The following TLCD4 variants were observed in gnomAD, a reference collection of about 807,000 sequenced individuals.
TLCD4 encodes the protein TLC domain containing 4, also known as TLC domain-containing protein 4.
A neutral mutation model predicts 24.2 loss-of-function variants in TLCD4; 7 were observed. That is an observed-to-expected ratio of 0.29 (90% CI 0.16 to 0.54). The LOEUF is 0.54. Among genes scored for constraint, TLCD4 ranks in the 20% least tolerant of loss-of-function variants. TLCD4 has a pLI of 0.95. For synonymous variants in TLCD4, 103 were observed against 106.4 expected (o/e 0.97, Z 0.20); for missense variants, 259 against 313.9 (o/e 0.82, Z 1.32).
intron 1 of TLCD4, 41 bp from the exon 2 acceptor site, chr1:95,143,850 A>T (rs1210970588): frequency 7.5e-6 from 10 of 1,327,794 alleles, no homozygotes; most frequent in Non-Finnish European, 9.7e-6. Flanking sequence ...CTCTAGGTTT[A>T]TTATGAGACA....
intron 5 of TLCD4, among the ~76,000 whole-genome samples, chr1:95,166,069 C>G (rs919511769): frequency 6.6e-6 from 1 of 152,084 alleles, no homozygotes; most frequent in African/African-American, 2.4e-5. Context: ...TTGTGAGGAT[C>G]AGAAGTAGGA....
the TLCD4 span, among the ~76,000 whole-genome samples, chr1:95,109,954 T>C: frequency 0.11 from 7,810 of 68,378 alleles, 689 homozygotes; most frequent in Middle Eastern, 0.2. Flanking sequence ...TATATATATA[T>C]ATATACACAC....
the TLCD4 span, among the ~76,000 whole-genome samples, chr1:95,105,893 T>TGAAA: frequency 1.9e-5 from 2 of 102,864 alleles, 1 homozygote; most frequent in Non-Finnish European, 4.2e-5. Context: ...AGACTCCGTC[T>TGAAA]TAAAAAAAAA....
the TLCD4 span, among the ~76,000 whole-genome samples, chr1:95,094,575 T>C: frequency 6.6e-6 from 1 of 152,114 alleles, no homozygotes. Flanking sequence ...TCTAAGTGAG[T>C]GCTGTATGCC....
chr1:95,110,060 A>T, the TLCD4 span, among the ~76,000 whole-genome samples: 1 of 149,788 alleles, frequency 6.7e-6, no homozygotes, highest in South Asian at 2.1e-4. Flanking sequence ...GGGTATACAT[A>T]TACACGTACA....
At chr1:95,100,196 TAAC>T in the TLCD4 span, among the ~76,000 whole-genome samples, 3 of 152,110 alleles carry the variant, frequency 2.0e-5, no homozygotes, top group Non-Finnish European at 4.4e-5. Flanking sequence ...ACAGATAAAA[TAAC>T]AGGCTCAGAG....
chr1:95,105,884 G>C, the TLCD4 span, among the ~76,000 whole-genome samples: 3 of 45,398 alleles, frequency 6.6e-5, no homozygotes, highest in Non-Finnish European at 2.1e-4. Context: ...GACAGAGCGA[G>C]ACTCCGTCTT....
chr1:95,133,901 A>T (rs551652989), intron 1 of TLCD4, among the ~76,000 whole-genome samples: 32 of 151,876 alleles, frequency 2.1e-4, no homozygotes, highest in African/African-American at 7.7e-4. Context: ...TGGCAATGGA[A>T]AGGGAATTTG....
intron 1 of TLCD4, among the ~76,000 whole-genome samples, 179 bp from the exon 2 acceptor site, chr1:95,143,712 A>G (rs1677270189): frequency 6.6e-6 from 1 of 152,158 alleles, no homozygotes; most frequent in Non-Finnish European, 1.5e-5. Context: ...GATACATGAC[A>G]AATAGATGGT....
chr1:95,144,800 C>T (rs1048517456), intron 2 of TLCD4, among the ~76,000 whole-genome samples: 2 of 152,182 alleles, frequency 1.3e-5, no homozygotes, highest in East Asian at 1.9e-4. Context: ...CAGTGATTCT[C>T]CTGCCTCAGC....
At chr1:95,152,258 C>G (rs1483548798) in intron 5 of TLCD4, among the ~76,000 whole-genome samples, 2 of 151,960 alleles carry the variant, frequency 1.3e-5, no homozygotes, top group Non-Finnish European at 2.9e-5. Flanking sequence ...TACTCATTGA[C>G]TATAAGAAGG....
At chr1:95,141,228 G>A (rs1184756676) in intron 1 of TLCD4, among the ~76,000 whole-genome samples, 3 of 152,168 alleles carry the variant, frequency 2.0e-5, no homozygotes, top group African/African-American at 7.2e-5. Flanking sequence ...ATTTTTGGGC[G>A]AGGGTGGGAT....
At position 95,195,838 on chromosome 1, in the gene TLCD4, A is replaced by G. The variant is rs1679187928; in HGVS notation, c.*3970A>G. On this transcript the variant is annotated 3_prime_UTR_variant, in exon 7 of 7. Coordinates refer to ENST00000370203, the MANE Select transcript of TLCD4 (RefSeq NM_152487.3). ...CGCCGTGATAGTCCTCCCTTGATCT[A>G]GAAGTATTCTCTTTGAATCCTTCCA... 2 of 152,170 alleles carry G rather than the reference A, an allele frequency of 1.3e-5. No individual in the cohort carries two copies. Among genetic ancestry groups the G allele is most frequent in the Admixed American group, 6.5e-5 (1 of 15,268 alleles). The allele number at this position is 152,170 out of a possible 1,614,324, so 9.4% of individuals were successfully genotyped here. A position where few individuals can be genotyped will look rare whatever the true frequency, so the allele number is the denominator to read the frequency against.
intron 1 of TLCD4, among the ~76,000 whole-genome samples, chr1:95,141,781 T>G (rs1677202711): frequency 8.8e-6 from 1 of 114,116 alleles, no homozygotes; most frequent in Non-Finnish European, 2.0e-5. Context: ...AATATCAATA[T>G]TTTTACCAAG....
At chr1:95,130,357 T>C (rs376416858) in intron 1 of TLCD4, among the ~76,000 whole-genome samples, 4 of 152,164 alleles carry the variant, frequency 2.6e-5, no homozygotes, top group African/African-American at 9.7e-5. Context: ...TTTTACCATA[T>C]TGGCCAGGCT....
the TLCD4 span, among the ~76,000 whole-genome samples, chr1:95,111,222 AGCTCAAGATTACGGTGAGCTAT>A: frequency 2.6e-4 from 40 of 152,204 alleles, no homozygotes; most frequent in East Asian, 7.3e-3. Context: ...TGAGCCCTGC[AGCTCAAGATTACGGTGAGCTAT>A]GCTCATACCA....
the TLCD4 span, among the ~76,000 whole-genome samples, chr1:95,105,527 T>C: frequency 6.6e-5 from 10 of 152,236 alleles, no homozygotes; most frequent in Non-Finnish European, 1.3e-4. Flanking sequence ...GATGAATATA[T>C]TACTTCATTT....
chr1:95,113,428 A>G (rs1676376722), upstream of TLCD4, among the ~76,000 whole-genome samples: 1 of 152,156 alleles, frequency 6.6e-6, no homozygotes, highest in Admixed American at 6.6e-5. Flanking sequence ...GTGGTGGGTA[A>G]AAGAGCTAAA....
At chr1:95,151,300 C>G in intron 4 of TLCD4, 25 bp from the exon 5 acceptor site, 1 of 1,609,212 alleles carries the variant, frequency 6.2e-7, no homozygotes, top group South Asian at 1.1e-5. Context: ...TTATGTAATA[C>G]CTTACTCACT....
Sources: allele counts gnomAD v4.1 joint callset (sites outside exome capture counted in the v4.1 genomes callset), GRCh38; gene constraint gnomAD v4.1.1; transcripts MANE v1.5; gene names NCBI Gene and HGNC (gene_info 2026-07-23, HGNC 2026-07-21).